MYH4: variants seen among roughly 807,000 people sequenced by gnomAD.
MYH4 encodes the protein myosin heavy chain 4.
MYH4 carries 200 observed loss-of-function variants against 229.9 expected under a neutral mutation model. The ratio of observed to expected loss-of-function variants is 0.87; its 90% CI spans 0.78 to 0.98. The LOEUF (loss-of-function observed/expected upper bound fraction) is 0.98. Among genes scored for constraint, MYH4 ranks in the 50% least tolerant of loss-of-function variants. The pLI is 0.00. For missense variants in MYH4, 2,148 were observed against 2,332.6 expected (o/e 0.92, Z 1.63); for synonymous variants, 761 against 834.6 (o/e 0.91, Z 1.52).
intron 21 of MYH4, 53 bp downstream of exon 21, chr17:10,454,888 G>A (rs2142220105): frequency 6.2e-7 from 1 of 1,611,126 alleles, no homozygotes; most frequent in East Asian, 2.2e-5. Context: ...AATGACTGCA[G>A]TGGATTCATT....
intron 24 of MYH4, 86 bp from the exon 25 acceptor site, chr17:10,453,018 T>A: frequency 6.3e-7 from 1 of 1,583,854 alleles, no homozygotes; most frequent in African/African-American, 1.4e-5. Flanking sequence ...AAGAAAAAAA[T>A]TTAAAGATAC....
intron 30 of MYH4, 48 bp from the exon 31 acceptor site, chr17:10,449,095 C>T (rs375566151): frequency 2.6e-6 from 4 of 1,533,906 alleles, no homozygotes; most frequent in African/African-American, 1.4e-5. Context: ...TCAGAGTCAC[C>T]ACAGTGCCCT....
At position 10,455,086 on chromosome 17, in the gene MYH4, A is replaced by G. The variant is rs767842425; in HGVS notation, c.2299-9T>C. ...CCAGCTTTGAAGAAAACCTTATGAA[A>G]GAACAAGTTAAATATGTTATTTCCA... On this transcript the variant is annotated splice_polypyrimidine_tract_variant and intron_variant, in intron 20 of 39. Transcript: ENST00000255381. 2.7e-5 allele frequency: 43 copies of G among 1,614,214 alleles called. 1 individual carries two copies. In the South Asian group the frequency reaches 4.4e-4, roughly 16 times the overall value.
intron 30 of MYH4, 51 bp from the exon 31 acceptor site, chr17:10,449,098 A>G (rs1288756725): frequency 2.6e-6 from 4 of 1,523,038 alleles, no homozygotes; most frequent in Middle Eastern, 1.7e-4. Context: ...GAGTCACCAC[A>G]GTGCCCTTTA....
chr17:10,449,653 A>G (rs1420398664), intron 30 of MYH4, among the ~76,000 whole-genome samples: 1 of 152,212 alleles, frequency 6.6e-6, no homozygotes, highest in Non-Finnish European at 1.5e-5. Context: ...TGATATGTTC[A>G]AGGTCATACA....
At position 10,465,517 on chromosome 17, in the gene MYH4, G is replaced by C; in HGVS notation, c.430C>G (p.Arg144Gly). The change falls in exon 5 of 40, where the codon CGA becomes GGA. Residue 144 changes from arginine to glycine, a missense_variant. Transcript: ENST00000255381. ...GGGGCCTCCTGGCGCTTTTTGCCTC[G>C]GTAGGCTGTCACCACCTCAGGGTTG... ...VYNPEVVTAY[R>G]GKKRQEAPPH... 1 of 1,614,074 alleles carries C rather than the reference G, an allele frequency of 6.2e-7. No homozygotes were observed. Among genetic ancestry groups the C allele is most frequent in the Non-Finnish European group, 8.5e-7 (1 of 1,180,006 alleles).
intron 15 of MYH4, among the ~76,000 whole-genome samples, chr17:10,458,132 A>T (rs2072661934): frequency 6.6e-6 from 1 of 152,206 alleles, no homozygotes; most frequent in Non-Finnish European, 1.5e-5. Flanking sequence ...ACTAAAAATG[A>T]TCCATTCCTA....
At position 10,447,802 on chromosome 17, in the gene MYH4, A is replaced by G. The variant is rs749419322; in HGVS notation, c.4965+16T>C. The G allele has an allele frequency of 6.3e-7, 1 of 1,593,106 alleles. No homozygotes were observed. Among genetic ancestry groups the G allele is most frequent in the South Asian group, 1.2e-5 (1 of 86,496 alleles). ...ACTGAGACTGTACAACACTATGTGTATTTACCCCAGCATACCTTCAGTATT... is the reference window on the plus strand; with the variant it reads ...ACTGAGACTGTACAACACTATGTGTGTTTACCCCAGCATACCTTCAGTATT... On this transcript the variant is annotated intron_variant, in intron 34 of 39. Coordinates refer to ENST00000255381, the MANE Select transcript of MYH4 (RefSeq NM_017533.2).
intron 2 of MYH4, among the ~76,000 whole-genome samples, chr17:10,468,209 G>A (rs1177008216): frequency 6.6e-6 from 1 of 152,086 alleles, no homozygotes; most frequent in African/African-American, 2.4e-5. Context: ...TTTTACACCA[G>A]GCAACTTGAA....
chr17:10,462,155 G>A (rs942599432), intron 11 of MYH4, among the ~76,000 whole-genome samples: 24 of 152,106 alleles, frequency 1.6e-4, no homozygotes, highest in Admixed American at 1.5e-3. Context: ...TAACTTGGGG[G>A]TATTGGGATA....
At chr17:10,450,993 G>A in intron 28 of MYH4, 98 bp from the exon 29 acceptor site, 1 of 1,052,790 alleles carries the variant, frequency 9.5e-7, no homozygotes, top group Non-Finnish European at 1.4e-6. Context: ...TTCATATGAT[G>A]AAAAAACCCC....
rs761322240 is a variant in MYH4, at chr17:10,457,672, T to G, written c.1645A>C (p.Thr549Pro). The G allele has an allele frequency of 1.2e-6, 2 of 1,614,128 alleles. No homozygotes were observed. The change falls in exon 16 of 40, where the codon ACC becomes CCC. Residue 549 changes from threonine (T) to proline (P), a missense_variant. Thr to Pro is a conservative substitution (Grantham distance 38, BLOSUM62 -1). Transcript: ENST00000255381. ...EECMFPKATD[T>P]SFKNKLYEQH... ...TCATACAGCTTGTTCTTGAAGGAGG[T>G]GTCTGTTGCCTTGGGGAACATGCAC...
In MYH4 at chr17:10,452,349, C is replaced by A. The variant is rs775675295; in HGVS notation, c.3349-19G>T. On this transcript the variant is annotated intron_variant, in intron 26 of 39. Transcript: ENST00000255381. ...TGCGGGCCTGGTTGTGATATGTCAA[C>A]ATTAATGTGAATTTATGTCAGTTTT... 1 of 1,614,156 alleles carries A rather than the reference C, an allele frequency of 6.2e-7. No homozygotes were observed. Among genetic ancestry groups the A allele is most frequent in the Non-Finnish European group, 8.5e-7 (1 of 1,180,022 alleles).
Position 10,445,511 on chromosome 17 carries a change from CT to C in MYH4, c.5170-150del, listed in dbSNP as rs1267434961. Reference sequence around the variant, plus strand: ...TTAGAAGATAATTCTAAGTTTATGCCTTTTCTCCTTTCTATATATAGCTCTT... The same window carrying C: ...TTAGAAGATAATTCTAAGTTTATGCCTTTCTCCTTTCTATATATAGCTCTT... On this transcript the variant is annotated intron_variant, in intron 35 of 39. Coordinates refer to ENST00000255381, the MANE Select transcript of MYH4 (RefSeq NM_017533.2). 12 of 1,068,204 alleles carry C rather than the reference CT, an allele frequency of 1.1e-5. No individual in the cohort carries two copies. In the Admixed American group the frequency reaches 2.0e-4, roughly 18 times the overall value. 66.2% of individuals were successfully genotyped at this position (1,068,204 alleles called of 1,614,324 possible). A position where few individuals can be genotyped will look rare whatever the true frequency, so the allele number is the denominator to read the frequency against.
rs1037249095 is a variant in MYH4, at chr17:10,460,267, G to A, written c.1202C>T (p.Ser401Phe). 1.9e-6 allele frequency: 3 copies of A among 1,614,008 alleles called. No homozygotes were observed. Among genetic ancestry groups the A allele is most frequent in the African/African-American group, 1.3e-5 (1 of 74,942 alleles). The change falls in exon 13 of 40, where the codon TCT (serine) becomes TTT (phenylalanine). Residue 401 changes from serine (S) to phenylalanine (F), a missense_variant. Physicochemically the swap from Ser to Phe is radical, Grantham distance 155 (BLOSUM62 -2). Transcript: ENST00000255381. ...GACCTTGACTCTGGGATAGCAGAGA[G>A]ATTTGAGCAGGTCAGCAGAGTTCAG... ...TSLNSADLLK[S>F]LCYPRVKVGN...
rs758436634 is a variant in MYH4, at chr17:10,448,447, T to C, written c.4605A>G (p.Lys1535=). The C allele has an allele frequency of 7.4e-6, 12 of 1,614,004 alleles. No individual in the cohort carries two copies. In the Admixed American group the frequency reaches 2.0e-4, roughly 27 times the overall value. The change falls in exon 33 of 40, where the codon AAA becomes AAG. Residue 1535 remains lysine (K), a synonymous_variant. Transcript: ENST00000255381. The part of the protein sequence containing the change: ...KHIHELEKVK[K]QLDHEKSELQ... ...GTTCACTCTTCTCATGATCAAGTTGTTTCTTTACTTTCTCCAGTTCATGGA... is the reference window on the plus strand; with the variant it reads ...GTTCACTCTTCTCATGATCAAGTTGCTTCTTTACTTTCTCCAGTTCATGGA...
At chr17:10,466,441 G>A in intron 3 of MYH4, 25 bp from the exon 4 acceptor site, 2 of 1,613,006 alleles carry the variant, frequency 1.2e-6, no homozygotes, top group Non-Finnish European at 8.5e-7. Flanking sequence ...AAAAACAAGT[G>A]CATATCAAAT....
At position 10,459,424 on chromosome 17, in the gene MYH4, A is replaced by G. The variant is rs763918139; in HGVS notation, c.1417-3T>C. ...CACAGCTGCTCCAGGCTGTTGAACT[A>G]CAGAACAAGATAAATATAGGAAATT... On this transcript the variant is annotated splice_polypyrimidine_tract_variant and splice_region_variant and intron_variant, in intron 14 of 39. Coordinates refer to ENST00000255381, the MANE Select transcript of MYH4 (RefSeq NM_017533.2). 63 of 1,614,030 alleles carry G rather than the reference A, an allele frequency of 3.9e-5. No homozygotes were observed. Among genetic ancestry groups the G allele is most frequent in the Non-Finnish European group, 4.2e-6 (5 of 1,180,008 alleles).
At position 10,450,543 on chromosome 17, in the gene MYH4, C is replaced by G. The variant is rs1360551263; in HGVS notation, c.4091G>C (p.Gly1364Ala). 2.5e-6 allele frequency: 4 copies of G among 1,614,192 alleles called. No homozygotes were observed. Among genetic ancestry groups the G allele is most frequent in the Non-Finnish European group, 3.4e-6 (4 of 1,180,016 alleles). Reference protein sequence around the residue: ...EQEAKAELQRGMSKANSEVAQ... With the variant: ...EQEAKAELQRAMSKANSEVAQ... Reference sequence around the variant, plus strand: ...AACCTCACTGTTGGCCTTGGACATTCCCCTCTGCAGCTCAGCCTTGGCTTC... The same window carrying G: ...AACCTCACTGTTGGCCTTGGACATTGCCCTCTGCAGCTCAGCCTTGGCTTC... The change falls in exon 30 of 40, where the codon GGA becomes GCA. Residue 1364 changes from glycine to alanine, a missense_variant. Coordinates refer to ENST00000255381, the MANE Select transcript of MYH4 (RefSeq NM_017533.2).
Sources: gnomAD v4.1 joint callset for allele counts (sites outside exome capture counted in the v4.1 genomes callset) on GRCh38, gnomAD v4.1.1 for gene constraint, MANE v1.5 for transcripts, NCBI Gene and HGNC (gene_info 2026-07-23, HGNC 2026-07-21) for gene names.